Variants in STAU2 observed in about 807,000 individuals in gnomAD.
The protein encoded by STAU2 is double-stranded RNA-binding protein Staufen homolog 2.
STAU2 carries 20 observed loss-of-function variants against 65.9 expected under a neutral mutation model. That is an observed-to-expected ratio of 0.30 (90% CI 0.21 to 0.44). The LOEUF (loss-of-function observed/expected upper bound fraction) is 0.44, where lower values mean the gene tolerates loss of function less well. Ranked by LOEUF, STAU2 falls within the 20% of genes least tolerant of loss-of-function variation. STAU2 has a pLI of 1.00. For synonymous variants in STAU2, 232 were observed against 233.9 expected (o/e 0.99, Z 0.07); for missense variants, 558 against 683.9 (o/e 0.82, Z 2.05).
chr8:73,525,418 TGAGG>T (rs1308686919), intron 13 of STAU2, among the ~76,000 whole-genome samples: 1 of 152,174 alleles, frequency 6.6e-6, no homozygotes, highest in Non-Finnish European at 1.5e-5. Flanking sequence ...TAAAATGCCT[TGAGG>T]AAGAGGCACT....
chr8:73,422,775 G>GAGACAGAA (rs1816478001), intron 13 of STAU2, 73 bp from the exon 14 acceptor site: 2 of 1,018,236 alleles, frequency 2.0e-6, no homozygotes, highest in East Asian at 3.1e-5. Context: ...AAAGAAAGCT[G>GAGACAGAA]AGATAGAAAG....
intron 13 of STAU2, chr8:73,440,073 A>G (rs949768965): frequency 3.3e-5 from 5 of 152,206 alleles, no homozygotes; most frequent in Admixed American, 6.5e-5. Flanking sequence ...ATATGGGAAG[A>G]CCAGATTTTG....
intron 10 of STAU2, among the ~76,000 whole-genome samples, chr8:73,597,460 G>A (rs1267309647): frequency 6.7e-6 from 1 of 150,170 alleles, no homozygotes; most frequent in Non-Finnish European, 1.5e-5. Flanking sequence ...TGGAGGCCAG[G>A]TTGGCCAACA....
chr8:73,689,670 A>G (rs749746678), intron 4 of STAU2, among the ~76,000 whole-genome samples: 1 of 152,176 alleles, frequency 6.6e-6, no homozygotes, highest in Non-Finnish European at 1.5e-5. Flanking sequence ...ATATGCGCAT[A>G]ATTGGTTTCA....
chr8:73,496,538 A>G (rs1189874901), intron 13 of STAU2, among the ~76,000 whole-genome samples: 1 of 151,718 alleles, frequency 6.6e-6, no homozygotes, highest in Non-Finnish European at 1.5e-5. Context: ...TTTGGGCTTC[A>G]ATTTCCTCAT....
chr8:73,435,907 G>T (rs577859400), intron 13 of STAU2, among the ~76,000 whole-genome samples: 2 of 151,876 alleles, frequency 1.3e-5, no homozygotes, highest in African/African-American at 4.9e-5. Flanking sequence ...CCCGAGAGGA[G>T]CCTGGGTCTG....
chr8:73,640,678 A>C (rs538536483), intron 6 of STAU2, among the ~76,000 whole-genome samples: 1 of 152,338 alleles, frequency 6.6e-6, no homozygotes, highest in East Asian at 1.9e-4. Flanking sequence ...AATGATTTTT[A>C]AATATACAAC....
At chr8:73,701,987 CAT>C (rs1563516961) in intron 4 of STAU2, among the ~76,000 whole-genome samples, 1 of 152,066 alleles carries the variant, frequency 6.6e-6, no homozygotes, top group Non-Finnish European at 1.5e-5. Context: ...GAGAGACAAA[CAT>C]CACATGTTGT....
chr8:73,421,205 A>C lies in STAU2; in HGVS notation c.*167T>G, dbSNP rs1816349896. Reference sequence around the variant, plus strand: ...AATGCTCAAAGTTTTATTTTTCCCCAGTTGAATAAACAGTACCATGTATAT... The same window carrying C: ...AATGCTCAAAGTTTTATTTTTCCCCCGTTGAATAAACAGTACCATGTATAT... On this transcript the variant is annotated 3_prime_UTR_variant, in exon 15 of 15. Coordinates refer to ENST00000524300, the MANE Select transcript of STAU2 (RefSeq NM_001164380.2). 1.7e-6 allele frequency: 1 copy of C among 572,090 alleles called. No homozygotes were observed. The highest frequency in any genetic ancestry group is 2.8e-5 in the South Asian group (1 of 36,256). 35.4% of individuals were successfully genotyped at this position (572,090 alleles called of 1,614,324 possible).
intron 12 of STAU2, among the ~76,000 whole-genome samples, chr8:73,554,774 T>A (rs1485432727): frequency 6.6e-6 from 1 of 152,228 alleles, no homozygotes; most frequent in Admixed American, 6.5e-5. Flanking sequence ...CACCAGTTTA[T>A]CAGTTACACT....
intron 12 of STAU2, among the ~76,000 whole-genome samples, chr8:73,562,857 A>C (rs1157598888): frequency 6.6e-6 from 1 of 152,042 alleles, no homozygotes; most frequent in Non-Finnish European, 1.5e-5. Flanking sequence ...TCACACCTAT[A>C]ATCAGCACTT....
At chr8:73,746,947 G>C (rs1807335923), upstream of STAU2, 3 of 860,710 alleles carry the variant, frequency 3.5e-6, no homozygotes, top group Non-Finnish European at 4.2e-6. Context: ...TCCCGCGCTC[G>C]CGCCGCGCGC....
At chr8:73,460,419 G>C (rs1165479183) in intron 13 of STAU2, among the ~76,000 whole-genome samples, 4 of 152,158 alleles carry the variant, frequency 2.6e-5, no homozygotes, top group African/African-American at 9.7e-5. Context: ...ATTACTACAG[G>C]GGACGAGAGA....
chr8:73,741,542 TTGCCCTGTCACCCAGAGTG>T (rs966806636), intron 1 of STAU2, among the ~76,000 whole-genome samples: 4 of 151,646 alleles, frequency 2.6e-5, no homozygotes, highest in African/African-American at 9.7e-5. Context: ...AGACGGAGTC[TTGCCCTGTCACCCAGAGTG>T]GAGTGCAACA....
intron 3 of STAU2, among the ~76,000 whole-genome samples, chr8:73,721,658 T>C (rs1202960514): frequency 6.6e-6 from 1 of 152,216 alleles, no homozygotes; most frequent in Non-Finnish European, 1.5e-5. Context: ...ATAAATGAAA[T>C]GACCTTCTTT....
chr8:73,522,625 T>C (rs1823100973), intron 13 of STAU2, among the ~76,000 whole-genome samples: 2 of 152,210 alleles, frequency 1.3e-5, no homozygotes, highest in South Asian at 2.1e-4. Context: ...GAAATCTGTA[T>C]CTGAAAATTT....
At chr8:73,454,740 A>T (rs1818972493) in intron 13 of STAU2, among the ~76,000 whole-genome samples, 1 of 152,228 alleles carries the variant, frequency 6.6e-6, no homozygotes, top group South Asian at 2.1e-4. Flanking sequence ...TTAGGCAAGG[A>T]AAAGACTAAC....
At chr8:73,560,339 C>A (rs1419924465) in intron 12 of STAU2, among the ~76,000 whole-genome samples, 2 of 152,052 alleles carry the variant, frequency 1.3e-5, no homozygotes, top group African/African-American at 4.8e-5. Flanking sequence ...CTCGGCCTCC[C>A]AAAGTGCTGG....
At chr8:73,486,733 G>A (rs1002793395) in intron 13 of STAU2, among the ~76,000 whole-genome samples, 1 of 150,708 alleles carries the variant, frequency 6.6e-6, no homozygotes, top group Non-Finnish European at 1.5e-5. Flanking sequence ...GCTCACTGCA[G>A]CCTTTACCTC....
Sources: gnomAD v4.1 joint callset for allele counts (sites outside exome capture counted in the v4.1 genomes callset) on GRCh38, gnomAD v4.1.1 for gene constraint, MANE v1.5 for transcripts, NCBI Gene and HGNC (gene_info 2026-07-23, HGNC 2026-07-21) for gene names.